Variants in DGKH observed in about 807,000 individuals in gnomAD.
DGKH encodes the protein DAG kinase eta.
DGKH carries 90 observed loss-of-function variants against 159.3 expected under a neutral mutation model. The ratio of observed to expected loss-of-function variants is 0.57; its 90% CI spans 0.48 to 0.67. DGKH has a LOEUF of 0.67. DGKH is among the 30% of genes least tolerant of loss of function. The pLI is 0.00. For missense variants in DGKH, 1,181 were observed against 1,506.1 expected (o/e 0.78, Z 3.57); for synonymous variants, 536 against 553.8 (o/e 0.97, Z 0.45).
chr13:42,090,706 A>G (rs1034772878), intron 1 of DGKH, among the ~76,000 whole-genome samples: 3 of 152,208 alleles, frequency 2.0e-5, no homozygotes, highest in African/African-American at 7.2e-5. Flanking sequence ...AAAAGCATGA[A>G]GTTAGACCCT....
At chr13:42,069,974 A>C (rs1882847598) in intron 1 of DGKH, 1 of 749,878 alleles carries the variant, frequency 1.3e-6, no homozygotes, top group Non-Finnish European at 2.3e-6. Flanking sequence ...TCAATATCAA[A>C]GTTGTTATGT....
intron 15 of DGKH, 114 bp downstream of exon 15, chr13:42,189,423 G>A: frequency 2.2e-6 from 3 of 1,379,608 alleles, no homozygotes; most frequent in Non-Finnish European, 2.9e-6. Context: ...AAATTTTTAA[G>A]GCAAGATAGA....
At chr13:42,168,331 A>G (rs757141405) in intron 9 of DGKH, 109 bp from the exon 10 acceptor site, 194 of 862,894 alleles carry the variant, frequency 2.2e-4, no homozygotes, top group Non-Finnish European at 3.1e-4. Context: ...ACATGTAAGT[A>G]GGAGTTCTTA....
At chr13:42,044,550 A>G (rs1019162639), upstream of DGKH, among the ~76,000 whole-genome samples, 6 of 152,176 alleles carry the variant, frequency 3.9e-5, no homozygotes, top group Middle Eastern at 3.4e-3. Context: ...TGGCCTCCCA[A>G]AGTTTTGGGA....
rs1392076615 is a variant in DGKH at position 42,209,079 on chromosome 13, T to C, written c.2715+7T>C. ...GCATCATCGAATAGCCCAGGTTGGTTTCTCTCGTCAAACCTGACTGCACTT... is the reference window on the plus strand; with the variant it reads ...GCATCATCGAATAGCCCAGGTTGGTCTCTCTCGTCAAACCTGACTGCACTT... On this transcript the variant is annotated splice_region_variant and intron_variant, in intron 22 of 29. Coordinates refer to ENST00000337343, the MANE Select transcript of DGKH (RefSeq NM_178009.5). The C allele has an allele frequency of 1.2e-6, 2 of 1,607,280 alleles. No homozygotes were observed. Among genetic ancestry groups the C allele is most frequent in the Admixed American group, 3.4e-5 (2 of 59,158 alleles).
intron 30 of DGKH, among the ~76,000 whole-genome samples, chr13:42,253,546 T>G (rs1958635356): frequency 6.6e-6 from 1 of 152,254 alleles, no homozygotes; most frequent in Admixed American, 6.5e-5. Context: ...CTAAATGAAC[T>G]AAGACACTTC....
Position 42,241,641 on chromosome 13 carries a change from C to T in DGKH, c.*12453C>T, listed in dbSNP as rs1180261317. On this transcript the variant is annotated 3_prime_UTR_variant, in exon 30 of 30. Transcript: ENST00000337343. ...ATATAAGAGCTGTGCATGGTAAACC[C>T]ACAGTAGAAGGGAAAAAGTAATGCT... 1 of 152,112 alleles carries T rather than the reference C, an allele frequency of 6.6e-6. No homozygotes were observed. Among genetic ancestry groups the T allele is most frequent in the Non-Finnish European group, 1.5e-5 (1 of 68,036 alleles). The allele number at this position is 152,112 out of a possible 1,614,324, so 9.4% of individuals were successfully genotyped here. A position where few individuals can be genotyped will look rare whatever the true frequency, so the allele number is the denominator to read the frequency against.
intron 3 of DGKH, among the ~76,000 whole-genome samples, chr13:42,145,404 A>G (rs1955699549): frequency 6.6e-6 from 1 of 152,134 alleles, no homozygotes. Context: ...CTGGTAGCAC[A>G]TCTAAGGTCT....
chr13:42,078,909 C>CTTTTTTT (rs55801562), intron 1 of DGKH, among the ~76,000 whole-genome samples: 76 of 93,556 alleles, frequency 8.1e-4, no homozygotes, highest in African/African-American at 1.2e-3. Context: ...GTATATTCTC[C>CTTTTTTT]TTTTTTTTTT....
At chr13:42,184,980 T>C (rs1956877425) in intron 13 of DGKH, among the ~76,000 whole-genome samples, 1 of 152,168 alleles carries the variant, frequency 6.6e-6, no homozygotes, top group African/African-American at 2.4e-5. Flanking sequence ...CTTTCATTTA[T>C]TTGACTTTTG....
chr13:42,173,365 T>C (rs946182191), intron 11 of DGKH, among the ~76,000 whole-genome samples: 2 of 152,240 alleles, frequency 1.3e-5, no homozygotes, highest in East Asian at 1.9e-4. Context: ...ACTGGACTTA[T>C]CTTGAGTTGA....
chr13:42,070,682 G>A (rs9594671), intron 1 of DGKH: 33,401 of 1,611,954 alleles, frequency 0.021, 458 homozygotes, highest in Admixed American at 0.039. Context: ...TTGAGCCCCC[G>A]TAGCAGCTGA....
At chr13:42,174,866 C>T (rs1039451310) in intron 12 of DGKH, among the ~76,000 whole-genome samples, 7 of 152,074 alleles carry the variant, frequency 4.6e-5, no homozygotes, top group East Asian at 1.9e-4. Flanking sequence ...ACACTGTGGC[C>T]GGCCCCTACT....
At chr13:42,251,643 T>A (rs1037483970) in intron 29 of DGKH, among the ~76,000 whole-genome samples, 1 of 152,074 alleles carries the variant, frequency 6.6e-6, no homozygotes, top group Non-Finnish European at 1.5e-5. Context: ...TGTGAACACA[T>A]GCATCACCCT....
At chr13:42,142,292 A>G (rs1220234186) in intron 3 of DGKH, among the ~76,000 whole-genome samples, 1 of 152,114 alleles carries the variant, frequency 6.6e-6, no homozygotes, top group Non-Finnish European at 1.5e-5. Flanking sequence ...TGTTTTGGTT[A>G]CTGTAGCCTT....
chr13:42,155,159 A>G (rs1181938338), intron 3 of DGKH, 132 bp from the exon 4 acceptor site: 2 of 713,794 alleles, frequency 2.8e-6, no homozygotes. Context: ...ACATTATTTT[A>G]TCATACAGAT....
intron 1 of DGKH, among the ~76,000 whole-genome samples, chr13:42,089,115 A>G (rs9525568): frequency 0.42 from 63,373 of 152,042 alleles, 13,515 homozygotes; most frequent in Non-Finnish European, 0.47. Context: ...AAATGCATGA[A>G]GCAAAGATTG....
chr13:42,089,920 C>A (rs1377302818), intron 1 of DGKH, among the ~76,000 whole-genome samples: 1 of 151,922 alleles, frequency 6.6e-6, no homozygotes, highest in Non-Finnish European at 1.5e-5. Flanking sequence ...TCTCAGATTA[C>A]AAAAAATTAA....
At position 42,199,816 on chromosome 13, in the gene DGKH, C is replaced by T. The variant is rs1173573725; in HGVS notation, c.2400C>T (p.Ser800=). The change falls in exon 20 of 30, where the codon AGC becomes AGT. Residue 800 remains serine, a synonymous_variant. Coordinates refer to ENST00000337343, the MANE Select transcript of DGKH (RefSeq NM_178009.5). The part of the protein sequence containing the change: ...KREEHPEKCR[S]RTKNLMWYGV... ...GCCTGCCAATATTTATTTTCAGGAG[C>T]CGAACTAAAAACTTGATGTGGTATG... is the stretch of plus-strand genomic sequence containing the variant. 6.3e-7 allele frequency: 1 copy of T among 1,598,382 alleles called. No individual in the cohort carries two copies. The highest frequency in any genetic ancestry group is 8.5e-7 in the Non-Finnish European group (1 of 1,175,934).
Sources: gnomAD v4.1 joint callset for allele counts (sites outside exome capture counted in the v4.1 genomes callset) on GRCh38, gnomAD v4.1.1 for gene constraint, MANE v1.5 for transcripts, NCBI Gene and HGNC (gene_info 2026-07-23, HGNC 2026-07-21) for gene names.